The following DTWD1 variants were observed in gnomAD, a reference collection of about 807,000 sequenced individuals.
The protein encoded by DTWD1 is DTW motif tRNA-uridine aminocarboxypropyltransferase 1, also known as tRNA-uridine aminocarboxypropyltransferase 1.
In DTWD1, 27 loss-of-function variants were observed where a neutral mutation model predicts 30.2. The observed-to-expected ratio is 0.90, with a 90% CI of 0.66 to 1.23. DTWD1 has a LOEUF of 1.23. Ranked by LOEUF, DTWD1 falls within the 50% of genes most tolerant of loss-of-function variation. DTWD1 has a pLI of 0.00. For synonymous variants in DTWD1, 99 were observed against 113.1 expected (o/e 0.88, Z 0.79); for missense variants, 342 against 348.8 (o/e 0.98, Z 0.15).
At chr15:49,625,600 G>A in intron 2 of DTWD1, 169 bp downstream of exon 2, 1 of 698,334 alleles carries the variant, frequency 1.4e-6, no homozygotes, top group Non-Finnish European at 2.3e-6. Flanking sequence ...TTCTCAGCAG[G>A]GCACATTTAC....
chr15:49,633,093 A>G (rs1368300202), intron 3 of DTWD1, among the ~76,000 whole-genome samples: 1 of 130,892 alleles, frequency 7.6e-6, no homozygotes, highest in East Asian at 2.0e-4. Context: ...TTGAGTTTAT[A>G]TAAAAAATTA....
At chr15:49,628,290 A>G (rs1356307859) in intron 2 of DTWD1, among the ~76,000 whole-genome samples, 1 of 152,188 alleles carries the variant, frequency 6.6e-6, no homozygotes, top group African/African-American at 2.4e-5. Context: ...GCCTGAGGCT[A>G]TTTTACAGTT....
chr15:49,634,581 A>G lies in DTWD1; in HGVS notation c.454A>G (p.Ile152Val), dbSNP rs752407283. ...ACCTCAGTCTATCTCAATAAAAGATATTTCTTTTCATCTGCAAAAAAGGAT... is the reference window on the plus strand; with the variant it reads ...ACCTCAGTCTATCTCAATAAAAGATGTTTCTTTTCATCTGCAAAAAAGGAT... ...PGPQSISIKD[I>V]SFHLQKRIQN... Residue 152 changes from isoleucine (I) to valine (V), a missense_variant, in exon 4 of 5, where the codon ATT (isoleucine) becomes GTT (valine). Physicochemically the swap from Ile to Val is conservative, Grantham distance 29. Transcript: ENST00000403028. 1.2e-6 allele frequency: 2 copies of G among 1,613,478 alleles called. No homozygotes were observed. Among genetic ancestry groups the G allele is most frequent in the South Asian group, 2.2e-5 (2 of 90,970 alleles).
Position 49,630,259 on chromosome 15 carries a change from G to A in DTWD1, c.265-1900G>A, listed in dbSNP as rs1050975885. 2.0e-5 allele frequency among the ~76,000 whole-genome samples: 3 copies of A among 152,152 alleles called. No individual in the cohort carries two copies. In the East Asian group the frequency reaches 5.8e-4, roughly 29 times the overall value. On this transcript the variant is annotated intron_variant, in intron 2 of 4. Coordinates refer to ENST00000403028, the MANE Select transcript of DTWD1 (RefSeq NM_001144955.2). Reference sequence around the variant, plus strand: ...AATCATTATTTTGACTGTAGCAGTGGATTCAAGAATTTAACATATGTTAAA... The same window carrying A: ...AATCATTATTTTGACTGTAGCAGTGAATTCAAGAATTTAACATATGTTAAA...
intron 4 of DTWD1, among the ~76,000 whole-genome samples, chr15:49,640,158 A>AACTAGT (rs2079049647): frequency 1.3e-5 from 2 of 152,006 alleles, no homozygotes; most frequent in Admixed American, 1.3e-4. Context: ...AGTGTTATAT[A>AACTAGT]TATGTTTTCA....
At position 49,643,616 on chromosome 15, in the gene DTWD1, C is replaced by A. The variant is rs1205077718; in HGVS notation, c.*38C>A. ...CACTTATGTCTTTTTATTTTGCTAA[C>A]ATTAATAAACTTATATTTGTGCTTT... On this transcript the variant is annotated 3_prime_UTR_variant, in exon 5 of 5. Transcript: ENST00000403028. 1 of 1,526,220 alleles carries A rather than the reference C, an allele frequency of 6.6e-7. No individual in the cohort carries two copies. Among genetic ancestry groups the A allele is most frequent in the Non-Finnish European group, 8.8e-7 (1 of 1,136,060 alleles). The allele number at this position is 1,526,220 out of a possible 1,614,324, so 94.5% of individuals were successfully genotyped here. A position where few individuals can be genotyped will look rare whatever the true frequency, so the allele number is the denominator to read the frequency against.
intron 2 of DTWD1, among the ~76,000 whole-genome samples, chr15:49,626,063 T>A (rs779663324): frequency 6.6e-6 from 1 of 152,162 alleles, no homozygotes; most frequent in Non-Finnish European, 1.5e-5. Flanking sequence ...TTTTCTTGTC[T>A]CTGGGTCTGA....
chr15:49,643,558 A>G lies in DTWD1; in HGVS notation c.895A>G (p.Thr299Ala). The change falls in exon 5 of 5, where the codon ACA becomes GCA. Residue 299 changes from threonine (T) to alanine (A), a missense_variant. Physicochemically the swap from Thr to Ala is moderately conservative, Grantham distance 58. Coordinates refer to ENST00000403028, the MANE Select transcript of DTWD1 (RefSeq NM_001144955.2). The stretch of plus-strand genomic sequence containing the variant: ...TGCCAAATGCTCTGGAGATAAGGAA[A>G]CAGGAAAACTTACACATTAGTTTTT... ...KNAKCSGDKE[T>A]GKLTH The G allele has an allele frequency of 6.3e-7, 1 of 1,595,774 alleles. No homozygotes were observed. The highest frequency in any genetic ancestry group is 1.4e-5 in the African/African-American group (1 of 73,710).
At chr15:49,624,960 G>A (rs749056240) in intron 1 of DTWD1, among the ~76,000 whole-genome samples, 153 bp from the exon 2 acceptor site, 9 of 152,218 alleles carry the variant, frequency 5.9e-5, no homozygotes, top group Non-Finnish European at 1.0e-4. Context: ...TTAATCTTAT[G>A]TTTTAAAGTG....
intron 2 of DTWD1, 92 bp from the exon 3 acceptor site, chr15:49,632,067 T>G: frequency 4.0e-5 from 44 of 1,095,142 alleles, no homozygotes; most frequent in Middle Eastern, 5.9e-4. Flanking sequence ...GAGTTTATTG[T>G]GAGCTTCCTA....
chr15:49,636,483 A>G (rs1304164231), intron 4 of DTWD1, among the ~76,000 whole-genome samples: 2 of 152,302 alleles, frequency 1.3e-5, no homozygotes, highest in Admixed American at 6.5e-5. Context: ...CCCATATAGC[A>G]TTTAAACTCG....
rs1321013157 is a variant in DTWD1, at chr15:49,648,717, G to T, written c.*5139G>T. Reference sequence around the variant, plus strand: ...CTCATTATATATTACAGAATATTTTGTTTGATGGAGAAAATTCACTGACCT... The same window carrying T: ...CTCATTATATATTACAGAATATTTTTTTTGATGGAGAAAATTCACTGACCT... On this transcript the variant is annotated 3_prime_UTR_variant, in exon 5 of 5. Coordinates refer to ENST00000403028, the MANE Select transcript of DTWD1 (RefSeq NM_001144955.2). 1.3e-5 allele frequency: 2 copies of T among 152,090 alleles called. No individual in the cohort carries two copies. 9.4% of individuals were successfully genotyped at this position (152,090 alleles called of 1,614,324 possible).
intron 3 of DTWD1, among the ~76,000 whole-genome samples, chr15:49,634,278 A>G (rs2078970876): frequency 1.3e-5 from 2 of 152,146 alleles, no homozygotes; most frequent in Non-Finnish European, 2.9e-5. Context: ...TATTTCAAGT[A>G]TGACTAACTT....
chr15:49,634,427 T>G (rs1381937910), intron 3 of DTWD1, 109 bp from the exon 4 acceptor site: 1 of 1,288,994 alleles, frequency 7.8e-7, no homozygotes, highest in African/African-American at 1.5e-5. Context: ...AACCTAATGC[T>G]TATTTCTCAG....
intron 2 of DTWD1, among the ~76,000 whole-genome samples, chr15:49,628,129 C>T (rs1285907109): frequency 6.6e-6 from 1 of 152,014 alleles, no homozygotes; most frequent in East Asian, 1.9e-4. Flanking sequence ...AAACACGTTA[C>T]CCTAGGCTTA....
At chr15:49,632,760 T>C (rs954370298) in intron 3 of DTWD1, among the ~76,000 whole-genome samples, 3 of 152,192 alleles carry the variant, frequency 2.0e-5, no homozygotes, top group African/African-American at 7.2e-5. Flanking sequence ...AACATTTCTT[T>C]TGGCTGCTCA....
chr15:49,635,394 T>C (rs1210502634), intron 4 of DTWD1, among the ~76,000 whole-genome samples: 1 of 152,228 alleles, frequency 6.6e-6, no homozygotes, highest in Non-Finnish European at 1.5e-5. Flanking sequence ...ATGACATCTC[T>C]TTTATAAACA....
At position 49,652,514 on chromosome 15, in the gene DTWD1, C is replaced by T. The variant is rs903042948; in HGVS notation, c.*8936C>T. On this transcript the variant is annotated 3_prime_UTR_variant, in exon 5 of 5. Transcript: ENST00000403028. ...CAAGGAATGTGGGTCTGAATTATAC[C>T]AGATAAACCACCAGGAGCAGCAGAG... 4 of 141,320 alleles carry T rather than the reference C, an allele frequency of 2.8e-5. No individual in the cohort carries two copies. Among genetic ancestry groups the T allele is most frequent in the African/African-American group, 1.2e-4 (4 of 32,296 alleles). The allele number at this position is 141,320 out of a possible 1,614,324, so 8.8% of individuals were successfully genotyped here. A position where few individuals can be genotyped will look rare whatever the true frequency, so the allele number is the denominator to read the frequency against.
In DTWD1 at chr15:49,648,210, A is replaced by T. The variant is rs1333589806; in HGVS notation, c.*4632A>T. Reference sequence around the variant, plus strand: ...GAATGAAAGTCTATTCATACACTGTATATTAAGCTCTATATACACTGCATA... The same window carrying T: ...GAATGAAAGTCTATTCATACACTGTTTATTAAGCTCTATATACACTGCATA... On this transcript the variant is annotated 3_prime_UTR_variant, in exon 5 of 5. Coordinates refer to ENST00000403028, the MANE Select transcript of DTWD1 (RefSeq NM_001144955.2). 6.6e-6 allele frequency: 1 copy of T among 152,210 alleles called. No individual in the cohort carries two copies. The highest frequency in any genetic ancestry group is 2.4e-5 in the African/African-American group (1 of 41,468). 9.4% of individuals were successfully genotyped at this position (152,210 alleles called of 1,614,324 possible).
Sources: allele counts gnomAD v4.1 joint callset (sites outside exome capture counted in the v4.1 genomes callset), GRCh38; gene constraint gnomAD v4.1.1; transcripts MANE v1.5; gene names NCBI Gene and HGNC (gene_info 2026-07-23, HGNC 2026-07-21).